The following NTNG2 variants were observed in gnomAD, a reference collection of about 807,000 sequenced individuals.
NTNG2 encodes the protein netrin G2.
A neutral mutation model predicts 47.6 loss-of-function variants in NTNG2; 15 were observed. That is an observed-to-expected ratio of 0.32 (90% confidence interval 0.21 to 0.49). The LOEUF (loss-of-function observed/expected upper bound fraction) is 0.49, where lower values mean the gene tolerates loss of function less well. NTNG2 is among the 20% of genes least tolerant of loss of function. NTNG2 has a pLI of 0.99. For missense variants in NTNG2, 578 were observed against 764.6 expected, an observed-to-expected ratio of 0.76 and a Z score of 2.88; for synonymous variants, 307 against 324.6, an observed-to-expected ratio of 0.95 and a Z score of 0.58.
chr9:132,196,937 G>A (rs986769838), intron 2 of NTNG2, among the ~76,000 whole-genome samples: 1 of 152,156 alleles, frequency 6.6e-6, no homozygotes, highest in Non-Finnish European at 1.5e-5. Context: ...AACAGCTCAC[G>A]GAACTCAGAA....
rs1225062800 is a variant in NTNG2, at chr9:132,242,055, G to A, written c.1537G>A (p.Ala513Thr). 8.0e-7 allele frequency: 1 copy of A among 1,253,338 alleles called. No homozygotes were observed. Among genetic ancestry groups the A allele is most frequent in the Non-Finnish European group, 1.0e-6 (1 of 1,002,694 alleles). The allele number at this position is 1,253,338 out of a possible 1,614,324, so 77.6% of individuals were successfully genotyped here. The change falls in exon 8 of 8, where the codon GCC (alanine) becomes ACC (threonine). Residue 513 changes from alanine to threonine, a missense_variant. By Grantham distance (58) the Ala-to-Thr change is moderately conservative. Transcript: ENST00000393229. This position sits in a 1 kb window ranked among gnomAD's most constrained non-coding sequence, Gnocchi z 5.9. Reference protein sequence around the residue: ...DRAPGAAPRPATLLGCLLLLG... With the variant: ...DRAPGAAPRPTTLLGCLLLLG... Reference sequence around the variant, plus strand: ...CGCGCCCGGGGCCGCCCCGCGCCCCGCCACCCTGCTCGGCTGCCTGCTGCT... The same window carrying A: ...CGCGCCCGGGGCCGCCCCGCGCCCCACCACCCTGCTCGGCTGCCTGCTGCT...
chr9:132,229,785 A>G (rs1385780444), intron 4 of NTNG2, among the ~76,000 whole-genome samples: 1 of 152,144 alleles, frequency 6.6e-6, no homozygotes, highest in East Asian at 1.9e-4. Flanking sequence ...CCCACTGCCA[A>G]TCCCACAGCG....
At chr9:132,227,107 G>T (rs1003356945) in intron 4 of NTNG2, 86 bp downstream of exon 4, 2 of 1,403,164 alleles carry the variant, frequency 1.4e-6, no homozygotes, top group Admixed American at 2.3e-5. Context: ...TCATACACAC[G>T]CACACAAACC....
intron 6 of NTNG2, among the ~76,000 whole-genome samples, chr9:132,239,596 A>G (rs902713701): frequency 5.9e-5 from 9 of 152,102 alleles, no homozygotes; most frequent in African/African-American, 1.9e-4. Flanking sequence ...GGTGGCAGGC[A>G]CTCAGTGGCA....
intron 2 of NTNG2, among the ~76,000 whole-genome samples, chr9:132,175,365 G>A (rs545373091): frequency 6.6e-6 from 1 of 152,312 alleles, no homozygotes; most frequent in East Asian, 1.9e-4. Flanking sequence ...GGGGCAGGAG[G>A]GCAATTGAGG....
At chr9:132,227,594 G>A (rs1160932212) in intron 4 of NTNG2, among the ~76,000 whole-genome samples, 1 of 152,160 alleles carries the variant, frequency 6.6e-6, no homozygotes, top group African/African-American at 2.4e-5. Flanking sequence ...CATCCTCAGA[G>A]CAACCCCTGG....
chr9:132,174,524 G>A (rs537939552), intron 2 of NTNG2, among the ~76,000 whole-genome samples: 1 of 152,318 alleles, frequency 6.6e-6, no homozygotes, highest in Admixed American at 6.5e-5. Context: ...TTTCTCATCT[G>A]AAACTGGGCA....
At chr9:132,167,090 G>T in intron 2 of NTNG2, 46 bp downstream of exon 2, 1 of 1,594,596 alleles carries the variant, frequency 6.3e-7, no homozygotes, top group East Asian at 2.2e-5. Context: ...CAAGTGGGAG[G>T]AGGTCTGGAG....
upstream of NTNG2, chr9:132,161,837 G>T (rs1418571486): frequency 1.3e-5 from 2 of 149,426 alleles, no homozygotes; most frequent in Admixed American, 6.6e-5. The surrounding 1 kb of genome is among the most constrained non-coding windows in gnomAD (Gnocchi z 7.2). Context: ...GCTCCCCGAC[G>T]AGACGCCGCG....
intron 2 of NTNG2, among the ~76,000 whole-genome samples, chr9:132,173,947 C>T (rs890448760): frequency 1.6e-4 from 22 of 138,434 alleles, no homozygotes; most frequent in Non-Finnish European, 2.9e-4. Context: ...GAGCACCATG[C>T]TGCGGATGAG....
At chr9:132,185,761 T>C (rs1249136121) in intron 2 of NTNG2, among the ~76,000 whole-genome samples, 9 of 151,322 alleles carry the variant, frequency 5.9e-5, no homozygotes, top group Admixed American at 2.0e-4. Flanking sequence ...GGGTGGCCAG[T>C]GAAGCCCTGA....
intron 2 of NTNG2, among the ~76,000 whole-genome samples, chr9:132,189,546 G>A (rs575172808): frequency 2.7e-4 from 41 of 152,270 alleles, no homozygotes; most frequent in African/African-American, 9.1e-4. Context: ...GGCACCTCTC[G>A]AATGAGCCTC....
intron 2 of NTNG2, among the ~76,000 whole-genome samples, chr9:132,176,242 A>G (rs1836444667): frequency 6.6e-6 from 1 of 152,180 alleles, no homozygotes; most frequent in Non-Finnish European, 1.5e-5. Context: ...CTATTTTACA[A>G]TATACAATTC....
rs1839316943 is a variant in NTNG2 at position 132,208,222 on chromosome 9, G to T, written c.857+9613G>T. The stretch of plus-strand genomic sequence containing the variant: ...GGAGAAACCTGAAGGGGGAACGGGG[G>T]CACGGCATTTGTGGCAGGGGGACAG... On this transcript the variant is annotated intron_variant, in intron 3 of 7. Transcript: ENST00000393229. This position sits in a 1 kb window ranked among gnomAD's most constrained non-coding sequence, Gnocchi z 4.0. Among the ~76,000 whole-genome samples, 1 of 151,946 alleles carries T rather than the reference G, an allele frequency of 6.6e-6. No homozygotes were observed.
intron 3 of NTNG2, among the ~76,000 whole-genome samples, chr9:132,209,020 C>T (rs1839384814): frequency 1.3e-5 from 2 of 152,208 alleles, no homozygotes; most frequent in Admixed American, 6.5e-5. Context: ...GGCTCGGGCT[C>T]CTCACTCCTG....
chr9:132,165,666 A>G (rs899486213), intron 1 of NTNG2, among the ~76,000 whole-genome samples: 3 of 152,188 alleles, frequency 2.0e-5, no homozygotes, highest in African/African-American at 4.8e-5. Flanking sequence ...TGCCTTTAAC[A>G]ACTTTGACAT....
chr9:132,165,599 G>A (rs1243583447), intron 1 of NTNG2, among the ~76,000 whole-genome samples: 1 of 152,204 alleles, frequency 6.6e-6, no homozygotes, highest in Non-Finnish European at 1.5e-5. Flanking sequence ...GGAGCACTCT[G>A]TTCATCTGTA....
At chr9:132,202,402 A>T (rs1589452333) in intron 3 of NTNG2, among the ~76,000 whole-genome samples, 1 of 152,202 alleles carries the variant, frequency 6.6e-6, no homozygotes, top group Middle Eastern at 3.4e-3. Flanking sequence ...GCAGCCCCAC[A>T]GGGGGCAGGT....
rs1421202326 is a variant in NTNG2, at chr9:132,167,017, A to C, written c.186A>C (p.Gly62=). The C allele has an allele frequency of 6.2e-7, 1 of 1,614,116 alleles. No individual in the cohort carries two copies. The highest frequency in any genetic ancestry group is 8.5e-7 in the Non-Finnish European group (1 of 1,180,042). Residue 62 remains glycine, a synonymous_variant, in exon 2 of 8, where the codon GGA becomes GGC. Transcript: ENST00000393229. ...TGGAGCCCTCAGGCATCACATGTGG[A>C]GACCCCCCTGAGAGGTTCTGCTCCC... is the stretch of plus-strand genomic sequence containing the variant. ...VKVEPSGITC[G]DPPERFCSHE... is the part of the protein sequence containing the mutation.
Sources: allele counts gnomAD v4.1 joint callset (sites outside exome capture counted in the v4.1 genomes callset), GRCh38; gene constraint gnomAD v4.1.1; non-coding constraint Gnocchi (gnomAD v3.1); transcripts MANE v1.5; gene names NCBI Gene and HGNC (gene_info 2026-07-23, HGNC 2026-07-21).